The following LDLRAD4 variants were observed in gnomAD, a reference collection of about 807,000 sequenced individuals.
The protein encoded by LDLRAD4 is low-density lipoprotein receptor class A domain-containing protein 4.
LDLRAD4 carries 5 observed loss-of-function variants against 17.0 expected under a neutral mutation model. The observed-to-expected ratio is 0.29, with a 90% confidence interval of 0.15 to 0.62. The LOEUF is 0.62. Ranked by LOEUF, LDLRAD4 falls within the 20% of genes least tolerant of loss-of-function variation. The pLI, the probability that LDLRAD4 is intolerant of heterozygous loss-of-function variation, is 0.84. For synonymous variants in LDLRAD4, 168 were observed against 171.8 expected (o/e 0.98, Z 0.17); for missense variants, 340 against 424.7 (o/e 0.80, Z 1.75).
At chr18:13,379,826 C>T (rs2085202600) in intron 1 of LDLRAD4, among the ~76,000 whole-genome samples, 1 of 152,226 alleles carries the variant, frequency 6.6e-6, no homozygotes, top group African/African-American at 2.4e-5. Flanking sequence ...TGAGACAGCT[C>T]CCCCTCCCTT....
intron 4 of LDLRAD4, among the ~76,000 whole-genome samples, chr18:13,636,819 T>C (rs1490513057): frequency 6.7e-6 from 1 of 148,358 alleles, no homozygotes; most frequent in African/African-American, 2.5e-5. Flanking sequence ...TTTTTCGAGA[T>C]GGAGTCTCGC....
intron 3 of LDLRAD4, chr18:13,459,902 G>C (rs2092347495): frequency 6.5e-6 from 1 of 154,100 alleles, no homozygotes; most frequent in Admixed American, 6.5e-5. Context: ...CTCATCGTTA[G>C]AGGTGCATAA....
chr18:13,505,940 C>T (rs2163445), intron 3 of LDLRAD4, among the ~76,000 whole-genome samples: 91,671 of 152,008 alleles, frequency 0.6, 29,273 homozygotes, highest in East Asian at 0.74. Flanking sequence ...TCCTGTCACC[C>T]GCAGTGTGGG....
intron 1 of LDLRAD4, among the ~76,000 whole-genome samples, chr18:13,378,283 C>T (rs936939966): frequency 6.6e-6 from 1 of 152,180 alleles, no homozygotes; most frequent in African/African-American, 2.4e-5. Flanking sequence ...TCTGTGACAG[C>T]TGCTCCTGGG....
intron 1 of LDLRAD4, among the ~76,000 whole-genome samples, chr18:13,231,280 A>G (rs8099327): frequency 2.0e-5 from 3 of 152,198 alleles, no homozygotes; most frequent in Non-Finnish European, 4.4e-5. Flanking sequence ...CAGTGGACAC[A>G]TGGCTCGTGT....
Position 13,643,408 on chromosome 18 carries a change from C to T in LDLRAD4, c.386C>T (p.Ser129Leu), listed in dbSNP as rs781627456. 32 of 1,075,162 alleles carry T rather than the reference C, an allele frequency of 3.0e-5. No homozygotes were observed. In the African/African-American group the frequency reaches 6.5e-4, roughly 22 times the overall value. 66.6% of individuals were successfully genotyped at this position (1,075,162 alleles called of 1,614,324 possible). ...AGCGCCGCACCGCGGCTGGGCGCCT[C>T]GGAGGTAAGGGGCCCCAGGAGGTGA... Residue 129 changes from serine to leucine, a missense_variant, in exon 5 of 6, where the codon TCG (serine) becomes TTG (leucine). Coordinates refer to ENST00000359446, the Ensembl canonical transcript of LDLRAD4.
chr18:13,415,847 C>T (rs577570719), intron 2 of LDLRAD4, among the ~76,000 whole-genome samples: 5 of 152,356 alleles, frequency 3.3e-5, no homozygotes, highest in African/African-American at 1.2e-4. Flanking sequence ...AGGGGTGCTC[C>T]CTCTATGCCC....
At chr18:13,310,532 A>G (rs2047174923) in intron 1 of LDLRAD4, among the ~76,000 whole-genome samples, 1 of 152,198 alleles carries the variant, frequency 6.6e-6, no homozygotes, top group Admixed American at 6.5e-5. Flanking sequence ...GTGTGGAAGA[A>G]CCAGGAAAGC....
upstream of LDLRAD4, among the ~76,000 whole-genome samples, chr18:13,275,333 C>A (rs968776678): frequency 6.6e-6 from 1 of 152,212 alleles, no homozygotes; most frequent in African/African-American, 2.4e-5. Context: ...ACATTTTAAG[C>A]ACTGACTCAG....
intron 1 of LDLRAD4, among the ~76,000 whole-genome samples, chr18:13,250,326 T>A (rs2043169852): frequency 6.6e-6 from 1 of 152,200 alleles, no homozygotes; most frequent in Admixed American, 6.5e-5. Flanking sequence ...TTTGGCTTTT[T>A]TTTTCCTATT....
chr18:13,505,311 C>T (rs1432534108), intron 3 of LDLRAD4, among the ~76,000 whole-genome samples: 5 of 152,214 alleles, frequency 3.3e-5, no homozygotes, highest in African/African-American at 1.2e-4. Flanking sequence ...ACGACTCTCA[C>T]TTTGCACAGT....
intron 4 of LDLRAD4, among the ~76,000 whole-genome samples, chr18:13,624,220 C>T (rs1376254986): frequency 6.6e-6 from 1 of 152,002 alleles, no homozygotes; most frequent in African/African-American, 2.4e-5. Context: ...AGGGGCACTT[C>T]ACTGTAAAAG....
At chr18:13,447,896 G>A (rs924495713) in intron 3 of LDLRAD4, among the ~76,000 whole-genome samples, 19 of 152,256 alleles carry the variant, frequency 1.2e-4, no homozygotes, top group East Asian at 5.8e-4. Context: ...ATGAGACGCC[G>A]GCTTAAGTAA....
At chr18:13,474,446 C>T (rs567031689) in intron 3 of LDLRAD4, among the ~76,000 whole-genome samples, 25 of 152,328 alleles carry the variant, frequency 1.6e-4, no homozygotes, top group African/African-American at 4.1e-4. Context: ...CATTGGGAAG[C>T]GGCTTCCAGC....
intron 1 of LDLRAD4, among the ~76,000 whole-genome samples, chr18:13,287,560 A>G (rs2045699921): frequency 6.6e-6 from 1 of 152,162 alleles, no homozygotes; most frequent in South Asian, 2.1e-4. Flanking sequence ...TTGGCTGGTG[A>G]CTACGACGGC....
At chr18:13,564,327 G>T (rs1341399072) in intron 3 of LDLRAD4, among the ~76,000 whole-genome samples, 1 of 152,142 alleles carries the variant, frequency 6.6e-6, no homozygotes, top group African/African-American at 2.4e-5. Context: ...CTTGTCAGAA[G>T]CAAGCCTATG....
intron 3 of LDLRAD4, among the ~76,000 whole-genome samples, chr18:13,552,158 A>G (rs913842423): frequency 2.6e-5 from 4 of 152,200 alleles, no homozygotes; most frequent in Non-Finnish European, 2.9e-5. Flanking sequence ...CCATATCAGT[A>G]GTGTGAACAA....
At chr18:13,458,161 G>A (rs551848563) in intron 3 of LDLRAD4, among the ~76,000 whole-genome samples, 2 of 152,264 alleles carry the variant, frequency 1.3e-5, no homozygotes, top group African/African-American at 4.8e-5. Flanking sequence ...GGGGAAGCAC[G>A]GATGAGGAGC....
At chr18:13,359,363 A>G (rs888526356) in intron 1 of LDLRAD4, among the ~76,000 whole-genome samples, 1 of 152,274 alleles carries the variant, frequency 6.6e-6, no homozygotes, top group Admixed American at 6.5e-5. Context: ...TGAAATGATC[A>G]GTCTGGGGCC....
Sources: gnomAD v4.1 joint callset for allele counts (sites outside exome capture counted in the v4.1 genomes callset) on GRCh38, gnomAD v4.1.1 for gene constraint, MANE v1.5 for transcripts, NCBI Gene and HGNC (gene_info 2026-07-23, HGNC 2026-07-21) for gene names.